MED13: variants seen among roughly 807,000 people sequenced by gnomAD.
MED13 encodes mediator complex subunit 13.
A neutral mutation model predicts 225.2 loss-of-function variants in MED13; 23 were observed. The observed-to-expected ratio is 0.10, with a 90% CI of 0.07 to 0.14. The LOEUF is 0.14. Among genes scored for constraint, MED13 ranks in the 10% least tolerant of loss-of-function variants. MED13 has a pLI of 1.00. For missense variants in MED13, 2,197 were observed against 2,594.5 expected (o/e 0.85, Z 3.33); for synonymous variants, 942 against 889.2 (o/e 1.06, Z -1.06).
At chr17:62,045,109 A>G (rs1370691288) in intron 3 of MED13, among the ~76,000 whole-genome samples, 1 of 152,266 alleles carries the variant, frequency 6.6e-6, no homozygotes, top group African/African-American at 2.4e-5. Context: ...ATTAAAATCA[A>G]ACATGTTCCC....
intron 11 of MED13, among the ~76,000 whole-genome samples, chr17:61,990,650 T>TATATACACAC (rs1491124278): frequency 7.1e-6 from 1 of 141,140 alleles, no homozygotes; most frequent in African/African-American, 2.7e-5. Context: ...TATATATATA[T>TATATACACAC]ACACACTCCC....
chr17:62,051,384 T>G (rs2080955632), intron 3 of MED13, among the ~76,000 whole-genome samples: 1 of 152,174 alleles, frequency 6.6e-6, no homozygotes, highest in African/African-American at 2.4e-5. Flanking sequence ...TTGATGACAT[T>G]ATTGAACAGC....
At chr17:61,974,698 A>T (rs376200219) in intron 16 of MED13, among the ~76,000 whole-genome samples, 1 of 152,320 alleles carries the variant, frequency 6.6e-6, no homozygotes, top group East Asian at 1.9e-4. Flanking sequence ...ATTTTTCCAT[A>T]GATGATTCTG....
Position 61,961,569 on chromosome 17 carries a change from A to G in MED13, c.5256+19T>C, listed in dbSNP as rs754538514. On this transcript the variant is annotated intron_variant, in intron 22 of 29. Transcript: ENST00000397786. ...TATGTATAGTCATTGAACTTCGGTCATGAAAAACATATACTTACATCAGGA... is the reference window on the plus strand; with the variant it reads ...TATGTATAGTCATTGAACTTCGGTCGTGAAAAACATATACTTACATCAGGA... 1.1e-4 allele frequency: 167 copies of G among 1,568,160 alleles called. No homozygotes were observed. Among genetic ancestry groups the G allele is most frequent in the Non-Finnish European group, 1.4e-4 (158 of 1,149,436 alleles).
chr17:61,959,746 T>G (rs369687000), intron 23 of MED13, among the ~76,000 whole-genome samples: 3,647 of 130,706 alleles, frequency 0.028, 38 homozygotes, highest in Middle Eastern at 0.13. Flanking sequence ...TTTTTTTTTT[T>G]GAGACAGGGT....
chr17:61,972,620 A>G (rs1603394600), intron 17 of MED13, 107 bp downstream of exon 17: 3 of 1,071,474 alleles, frequency 2.8e-6, no homozygotes, highest in East Asian at 4.9e-5. Flanking sequence ...CCTTAAGAAT[A>G]TATCACAAAT....
intron 23 of MED13, among the ~76,000 whole-genome samples, chr17:61,958,828 A>G (rs2079972407): frequency 2.6e-5 from 4 of 152,110 alleles, no homozygotes; most frequent in Admixed American, 1.3e-4. Flanking sequence ...GTGCCCAATC[A>G]ATTTACATGT....
intron 4 of MED13, 65 bp from the exon 5 acceptor site, chr17:62,034,049 G>A (rs184756309): frequency 1.0e-4 from 139 of 1,357,154 alleles, no homozygotes; most frequent in Non-Finnish European, 1.4e-4. Context: ...AGAACACAGT[G>A]AAAAATGTGG....
At chr17:62,012,360 G>A (rs571257598) in intron 8 of MED13, among the ~76,000 whole-genome samples, 5 of 121,694 alleles carry the variant, frequency 4.1e-5, no homozygotes, top group South Asian at 2.5e-4. Flanking sequence ...AGGGAGTTTC[G>A]CTCTTGTTGC....
At chr17:61,987,616 C>A (rs1233299623) in intron 11 of MED13, among the ~76,000 whole-genome samples, 1 of 152,072 alleles carries the variant, frequency 6.6e-6, no homozygotes, top group Admixed American at 6.6e-5. Flanking sequence ...ATGATTATAT[C>A]TTTCCCAGGA....
Position 61,955,449 on chromosome 17 carries a change from A to C in MED13, c.5901T>G (p.Ala1967=), listed in dbSNP as rs1567939940. 6.3e-7 allele frequency: 1 copy of C among 1,598,392 alleles called. No homozygotes were observed. The highest frequency in any genetic ancestry group is 2.2e-5 in the East Asian group (1 of 44,662). ...AAGTAGCTGAAGCTACTTGCACAGA[A>C]GCAGAAGTAGGAAACACAAGTATAT... is the stretch of plus-strand genomic sequence containing the variant. ...CTHILVFPTS[A]SVQVASATYT... Residue 1967 remains alanine (A), a synonymous_variant, in exon 26 of 30, where the codon GCT becomes GCG. Coordinates refer to ENST00000397786, the MANE Select transcript of MED13 (RefSeq NM_005121.3).
intron 28 of MED13, among the ~76,000 whole-genome samples, chr17:61,947,420 G>C (rs1225915833): frequency 6.6e-6 from 1 of 151,966 alleles, no homozygotes; most frequent in Non-Finnish European, 1.5e-5. Flanking sequence ...ATAATCCTTA[G>C]AAAAAGAATT....
At chr17:62,009,648 T>C (rs537603885) in intron 9 of MED13, among the ~76,000 whole-genome samples, 6 of 152,290 alleles carry the variant, frequency 3.9e-5, no homozygotes, top group Non-Finnish European at 2.9e-5. Flanking sequence ...TATATACCAG[T>C]TGCTGAACTG....
chr17:62,055,494 A>G (rs2080989751), intron 2 of MED13, among the ~76,000 whole-genome samples: 1 of 152,020 alleles, frequency 6.6e-6, no homozygotes, highest in African/African-American at 2.4e-5. Flanking sequence ...TGTAAAATCT[A>G]TTTTAGTTAA....
chr17:61,966,339 G>A, intron 19 of MED13, 123 bp downstream of exon 19: 1 of 785,798 alleles, frequency 1.3e-6, no homozygotes, highest in Non-Finnish European at 2.0e-6. Flanking sequence ...CACAAAAGCA[G>A]CCAGAGAAAA....
At chr17:62,021,939 C>T (rs28442160) in intron 8 of MED13, among the ~76,000 whole-genome samples, 3,135 of 151,856 alleles carry the variant, frequency 0.021, 104 homozygotes, top group African/African-American at 0.072. Flanking sequence ...GGCCAAGGTA[C>T]GTGGATCATT....
chr17:61,997,284 G>T (rs1254157016), intron 9 of MED13, among the ~76,000 whole-genome samples: 1 of 152,008 alleles, frequency 6.6e-6, no homozygotes, highest in Admixed American at 6.6e-5. Context: ...TTCCAAATAC[G>T]CCCCAGATTT....
intron 3 of MED13, among the ~76,000 whole-genome samples, chr17:62,038,382 CA>C (rs916941825): frequency 1.3e-5 from 2 of 150,924 alleles, no homozygotes; most frequent in Non-Finnish European, 3.0e-5. Flanking sequence ...AGTCTCCAAA[CA>C]AAAAAAGATA....
chr17:62,029,601 G>C lies in MED13; in HGVS notation c.1223C>G (p.Ala408Gly), dbSNP rs767313099. The C allele has an allele frequency of 1.8e-4, 283 of 1,614,156 alleles. 3 individuals carry two copies. Among genetic ancestry groups the C allele is most frequent in the South Asian group, 6.9e-4 (63 of 91,072 alleles). The change falls in exon 8 of 30, where the codon GCT becomes GGT. Residue 408 changes from alanine (A) to glycine (G), a missense_variant. Around this residue, in one of 12 missense-constraint regions of MED13, gnomAD observed 884 missense variants for 918.5 expected, o/e 0.96. Transcript: ENST00000397786. The part of the protein sequence containing the change: ...SGGLCEEATA[A>G]KVASWDFVEA... ...AACAAAATCCCAGGATGCCACTTTAGCAGCTGTCGCTTCTTCGCATAGACC... is the reference window on the plus strand; with the variant it reads ...AACAAAATCCCAGGATGCCACTTTACCAGCTGTCGCTTCTTCGCATAGACC...
Sources: gnomAD v4.1 joint callset for allele counts (sites outside exome capture counted in the v4.1 genomes callset) on GRCh38, gnomAD v4.1.1 for gene constraint, gnomAD v4.1.1 regional missense constraint, MANE v1.5 for transcripts, NCBI Gene and HGNC (gene_info 2026-07-23, HGNC 2026-07-21) for gene names.